OTUD4: variants seen among roughly 807,000 people sequenced by gnomAD.
The protein encoded by OTUD4 is OTU deubiquitinase 4, also known as OTU domain-containing protein 4.
Under a neutral mutation model 130.4 loss-of-function variants are expected in OTUD4, and 24 were observed. The observed-to-expected ratio is 0.18, with a 90% CI of 0.13 to 0.26. OTUD4 has a LOEUF of 0.26. Among genes scored for constraint, OTUD4 ranks in the 10% least tolerant of loss-of-function variants. OTUD4 has a pLI of 1.00. For synonymous variants in OTUD4, 420 were observed against 472.5 expected, an observed-to-expected ratio of 0.89 and a Z score of 1.44; for missense variants, 1,031 against 1,329.4, an observed-to-expected ratio of 0.78 and a Z score of 3.49.
intron 6 of OTUD4, among the ~76,000 whole-genome samples, chr4:145,160,308 A>G (rs1751494589): frequency 6.6e-6 from 1 of 152,240 alleles, no homozygotes; most frequent in Admixed American, 6.5e-5. Context: ...AGGAACTAAA[A>G]AAGCAGCTGT....
At chr4:145,158,351 G>A (rs911202694) in intron 7 of OTUD4, among the ~76,000 whole-genome samples, 3 of 151,826 alleles carry the variant, frequency 2.0e-5, no homozygotes, top group East Asian at 1.9e-4. Context: ...GCTTGGTGGC[G>A]GGCGCCTGTA....
At chr4:145,142,054 G>C in intron 18 of OTUD4, 142 bp downstream of exon 18, 2 of 720,292 alleles carry the variant, frequency 2.8e-6, no homozygotes, top group Non-Finnish European at 4.8e-6. Context: ...ATTGGAAGCA[G>C]AGCAAAGCAG....
At chr4:145,163,166 T>A (rs528754706) in intron 5 of OTUD4, among the ~76,000 whole-genome samples, 1 of 152,204 alleles carries the variant, frequency 6.6e-6, no homozygotes, top group African/African-American at 2.4e-5. Context: ...GTTTAGAATA[T>A]AACAATATAT....
chr4:145,143,527 C>A, intron 16 of OTUD4, 82 bp from the exon 17 acceptor site: 1 of 783,436 alleles, frequency 1.3e-6, no homozygotes, highest in Non-Finnish European at 2.1e-6. Context: ...TTATAATTCA[C>A]CCTACCTGTA....
intron 1 of OTUD4, among the ~76,000 whole-genome samples, chr4:145,176,366 T>C (rs1353644708): frequency 6.6e-6 from 1 of 151,570 alleles, no homozygotes; most frequent in Non-Finnish European, 1.5e-5. Flanking sequence ...CTTGAGAATT[T>C]ATATTAATAG....
intron 7 of OTUD4, among the ~76,000 whole-genome samples, chr4:145,156,706 G>A (rs116128743): frequency 4.6e-5 from 7 of 151,576 alleles, no homozygotes; most frequent in African/African-American, 7.3e-5. Flanking sequence ...AATACTCTAC[G>A]TCAAATAATG....
intron 3 of OTUD4, among the ~76,000 whole-genome samples, chr4:145,165,610 T>A (rs1751818414): frequency 6.6e-6 from 1 of 152,102 alleles, no homozygotes; most frequent in African/African-American, 2.4e-5. Flanking sequence ...CCCAAGTAGC[T>A]GGGATTACAG....
At chr4:145,151,522 C>T (rs1374096046) in intron 11 of OTUD4, among the ~76,000 whole-genome samples, 1 of 152,064 alleles carries the variant, frequency 6.6e-6, no homozygotes, top group African/African-American at 2.4e-5. Flanking sequence ...GTAATCTCAG[C>T]TACTGGGGAG....
At chr4:145,171,960 A>C (rs373341180) in intron 2 of OTUD4, among the ~76,000 whole-genome samples, 3 of 152,378 alleles carry the variant, frequency 2.0e-5, no homozygotes, top group South Asian at 2.1e-4. Context: ...TCCTGAAAGA[A>C]GAGTGACTCA....
At position 145,152,578 on chromosome 4, in the gene OTUD4, C is replaced by T; in HGVS notation, c.931G>A (p.Glu311Lys). 13 of 1,611,696 alleles carry T rather than the reference C, an allele frequency of 8.1e-6. No individual in the cohort carries two copies. The highest frequency in any genetic ancestry group is 1.1e-5 in the Non-Finnish European group (13 of 1,178,022). ...TCTTCAACCAAAACTGGTCCATTCT[C>T]AGAATGAATTCCTTGAACATCTGCA... ...LNADVQGIHS[E>K]NGPVLVEELG... Residue 311 changes from glutamate (E) to lysine (K), a missense_variant, in exon 11 of 21, where the codon GAG (glutamate) becomes AAG (lysine). By Grantham distance (56) the Glu-to-Lys change is moderately conservative (BLOSUM62 1). This residue lies in a region of OTUD4 where 900 missense variants were observed against 1,095.9 expected (regional missense o/e 0.82). Coordinates refer to ENST00000447906, the MANE Select transcript of OTUD4 (RefSeq NM_001366057.1).
intron 1 of OTUD4, among the ~76,000 whole-genome samples, chr4:145,177,216 G>A (rs1430241413): frequency 6.6e-6 from 1 of 152,222 alleles, no homozygotes; most frequent in Non-Finnish European, 1.5e-5. Flanking sequence ...CGTGGAGCTA[G>A]TCTTAAAGCC....
At chr4:145,175,689 C>T (rs1167410674) in intron 1 of OTUD4, among the ~76,000 whole-genome samples, 2 of 150,798 alleles carry the variant, frequency 1.3e-5, no homozygotes, top group African/African-American at 4.9e-5. Flanking sequence ...GGATTACAGC[C>T]AACTACCACG....
At position 145,150,579 on chromosome 4, in the gene OTUD4, C is replaced by A. The variant is rs148857745; in HGVS notation, c.1193G>T (p.Gly398Val). Residue 398 changes from glycine (G) to valine (V), a missense_variant, in exon 13 of 21, where the codon GGG (glycine) becomes GTG (valine). Physicochemically the swap from Gly to Val is moderately radical, Grantham distance 109. This residue lies in a region of OTUD4 where 900 missense variants were observed against 1,095.9 expected (regional missense o/e 0.82). Transcript: ENST00000447906. ...RQHAFSSHSS[G>V]SQSQKFSSEH... ...ACTGGAGAATTTCTGAGACTGTGAC[C>A]CTGAAGAATGACTAGAGAACGCATG... The A allele has an allele frequency of 2.9e-4, 466 of 1,612,000 alleles. 1 individual carries two copies. The highest frequency in any genetic ancestry group is 1.5e-3 in the Middle Eastern group (9 of 6,074).
At chr4:145,157,074 A>T (rs777307671) in intron 7 of OTUD4, among the ~76,000 whole-genome samples, 3 of 152,240 alleles carry the variant, frequency 2.0e-5, no homozygotes, top group Admixed American at 6.5e-5. Context: ...TGACTGTATT[A>T]TTAGGTGCTA....
chr4:145,151,130 T>G (rs150090231), intron 11 of OTUD4, among the ~76,000 whole-genome samples: 1 of 152,044 alleles, frequency 6.6e-6, no homozygotes, highest in Non-Finnish European at 1.5e-5. Flanking sequence ...AAAAAGACAG[T>G]TGAATCACAA....
intron 7 of OTUD4, chr4:145,159,119 G>T: frequency 9.6e-7 from 1 of 1,038,036 alleles, no homozygotes; most frequent in Non-Finnish European, 1.2e-6. Context: ...ACCTAAGAAA[G>T]AAAACAATAA....
At chr4:145,168,652 T>A (rs1233815829) in intron 3 of OTUD4, among the ~76,000 whole-genome samples, 1 of 152,172 alleles carries the variant, frequency 6.6e-6, no homozygotes, top group Non-Finnish European at 1.5e-5. Context: ...TCAAGTTAAA[T>A]CACAAAGAGT....
At chr4:145,166,882 G>A (rs1205986376) in intron 3 of OTUD4, among the ~76,000 whole-genome samples, 1 of 152,134 alleles carries the variant, frequency 6.6e-6, no homozygotes, top group East Asian at 1.9e-4. Flanking sequence ...AGAATATCAT[G>A]CATTCATTCA....
Position 145,155,670 on chromosome 4 carries a change from C to A in OTUD4, c.707G>T (p.Gly236Val). Residue 236 changes from glycine to valine, a missense_variant, in exon 9 of 21, where the codon GGG becomes GTG. Physicochemically the swap from Gly to Val is moderately radical, Grantham distance 109. Coordinates refer to ENST00000447906, the MANE Select transcript of OTUD4 (RefSeq NM_001366057.1). The part of the protein sequence containing the change: ...LSGNEQLKNN[G>V]NSTSLPLSRK... Reference sequence around the variant, plus strand: ...AGACAAAGGCAGGCTAGTAGAGTTCCCATTGTTCTTCAGCTGCTAAACAAA... The same window carrying A: ...AGACAAAGGCAGGCTAGTAGAGTTCACATTGTTCTTCAGCTGCTAAACAAA... The A allele has an allele frequency of 6.2e-7, 1 of 1,602,084 alleles. No homozygotes were observed. Among genetic ancestry groups the A allele is most frequent in the Non-Finnish European group, 8.5e-7 (1 of 1,174,332 alleles).
Sources: gnomAD v4.1 joint callset for allele counts (sites outside exome capture counted in the v4.1 genomes callset) on GRCh38, gnomAD v4.1.1 for gene constraint, gnomAD v4.1.1 regional missense constraint, MANE v1.5 for transcripts, NCBI Gene and HGNC (gene_info 2026-07-23, HGNC 2026-07-21) for gene names.